Variants in MSRA observed in about 807,000 individuals in gnomAD.
MSRA encodes methionine sulfoxide reductase A, also known as mitochondrial peptide methionine sulfoxide reductase.
MSRA carries 54 observed loss-of-function variants against 31.3 expected under a neutral mutation model. The observed-to-expected ratio is 1.73, with a 90% CI of 1.39 to 2.17. MSRA has a LOEUF of 2.17. Ranked by LOEUF, MSRA falls within the 30% of genes most tolerant of loss-of-function variation. MSRA has a pLI of 0.00. For missense variants in MSRA, 507 were observed against 300.9 expected (o/e 1.69, Z -5.07); for synonymous variants, 169 against 116.5 (o/e 1.45, Z -2.90).
intron 1 of MSRA, among the ~76,000 whole-genome samples, chr8:10,164,667 A>G (rs1804961256): frequency 6.6e-6 from 1 of 152,220 alleles, no homozygotes. Context: ...TATAATGCCT[A>G]GGACGTAGAA....
chr8:10,161,857 G>A (rs1320640946), intron 1 of MSRA, among the ~76,000 whole-genome samples: 1 of 152,076 alleles, frequency 6.6e-6, no homozygotes, highest in African/African-American at 2.4e-5. Flanking sequence ...CCCTGGGCAA[G>A]TCACCCCATC....
intron 5 of MSRA, among the ~76,000 whole-genome samples, chr8:10,377,021 G>A (rs1805793808): frequency 6.6e-6 from 1 of 152,230 alleles, no homozygotes; most frequent in African/African-American, 2.4e-5. Context: ...AGCCACTGAA[G>A]CCTTCTAGAT....
In MSRA at chr8:10,108,779, G is replaced by A. The variant is rs923903908; in HGVS notation, c.142+54121G>A. 1.6e-4 allele frequency among the ~76,000 whole-genome samples: 24 copies of A among 151,684 alleles called. 1 individual carries two copies. The highest frequency in any genetic ancestry group is 4.4e-5 in the Non-Finnish European group (3 of 67,972). ...GTTTTAAACAAACTAATGACTGGTG[G>A]TTGGTTGTCAAATGAGTTGTTGGGA... On this transcript the variant is annotated intron_variant, in intron 1 of 5. Coordinates refer to ENST00000317173, the MANE Select transcript of MSRA (RefSeq NM_012331.5).
intron 5 of MSRA, among the ~76,000 whole-genome samples, chr8:10,379,528 T>C (rs1805940245): frequency 6.6e-6 from 1 of 152,076 alleles, no homozygotes; most frequent in South Asian, 2.1e-4. Flanking sequence ...AGCATCCTGG[T>C]CTCCCAGCAG....
chr8:10,183,969 G>C lies in MSRA; in HGVS notation c.143-23864G>C, dbSNP rs188387402. ...TGCTGGTGGTATTGGTAGTGATGGT[G>C]TTGACAGTAGTGTTGCTGGTTTTCT... On this transcript the variant is annotated intron_variant, in intron 1 of 5. Transcript: ENST00000317173. 6.8e-3 allele frequency among the ~76,000 whole-genome samples: 879 copies of C among 130,138 alleles called. 9 individuals carry two copies. The highest frequency in any genetic ancestry group is 0.018 in the Middle Eastern group (5 of 280). 85.4% of individuals were successfully genotyped at this position (130,138 alleles called of 152,430 possible).
At chr8:10,142,742 G>A (rs1224899289) in intron 1 of MSRA, among the ~76,000 whole-genome samples, 1 of 152,180 alleles carries the variant, frequency 6.6e-6, no homozygotes, top group African/African-American at 2.4e-5. Flanking sequence ...CGGACTATTT[G>A]ATAAGATCTA....
intron 1 of MSRA, among the ~76,000 whole-genome samples, chr8:10,079,835 CTTGCTATTAAT>C (rs1798193204): frequency 6.6e-6 from 1 of 152,138 alleles, no homozygotes; most frequent in Non-Finnish European, 1.5e-5. Flanking sequence ...TCGGTTTTGG[CTTGCTATTAAT>C]TTGCTGTGCA....
intron 1 of MSRA, among the ~76,000 whole-genome samples, chr8:10,071,458 C>CTTTTTTT (rs77512999): frequency 1.5e-5 from 2 of 129,270 alleles, no homozygotes; most frequent in Non-Finnish European, 3.3e-5. Flanking sequence ...TTTTAATTTT[C>CTTTTTTT]TTTTTTTTTT....
At chr8:10,383,353 C>T (rs1806192646) in intron 5 of MSRA, among the ~76,000 whole-genome samples, 1 of 152,136 alleles carries the variant, frequency 6.6e-6, no homozygotes, top group African/African-American at 2.4e-5. Flanking sequence ...CGGTTCACCT[C>T]GCACAGGGTC....
intron 5 of MSRA, among the ~76,000 whole-genome samples, chr8:10,368,866 G>A (rs1805316206): frequency 6.6e-6 from 1 of 152,054 alleles, no homozygotes; most frequent in South Asian, 2.1e-4. Context: ...ATTCCAAAGG[G>A]CCTTTTGCTA....
chr8:10,311,499 C>T (rs1035783896), intron 4 of MSRA, among the ~76,000 whole-genome samples: 1 of 152,118 alleles, frequency 6.6e-6, no homozygotes, highest in Non-Finnish European at 1.5e-5. Context: ...CTCAATCACA[C>T]AAGGAACATA....
Position 10,107,398 on chromosome 8 carries a change from G to A in MSRA, c.142+52740G>A, listed in dbSNP as rs546370908. Among the ~76,000 whole-genome samples the A allele has an allele frequency of 2.0e-5, 3 of 152,110 alleles. No individual in the cohort carries two copies. The South Asian group carries it at 6.2e-4, about 32-fold the overall frequency. On this transcript the variant is annotated intron_variant, in intron 1 of 5. Coordinates refer to ENST00000317173, the MANE Select transcript of MSRA (RefSeq NM_012331.5). ...TGAAAATCTCCTTTTCTGACCTCCT[G>A]AGAAATAGATGCTAGAATCTCTGGG... is the stretch of plus-strand genomic sequence containing the variant.
intron 5 of MSRA, among the ~76,000 whole-genome samples, chr8:10,383,351 C>T (rs1396175666): frequency 6.6e-6 from 1 of 152,162 alleles, no homozygotes; most frequent in Non-Finnish European, 1.5e-5. Flanking sequence ...TCCGGTTCAC[C>T]TCGCACAGGG....
chr8:10,094,769 A>C (rs566682638), intron 1 of MSRA, among the ~76,000 whole-genome samples: 1 of 152,374 alleles, frequency 6.6e-6, no homozygotes, highest in Non-Finnish European at 1.5e-5. Context: ...TAAAAATAAA[A>C]GCAAACAGTA....
At chr8:10,262,431 G>C (rs1373912962) in intron 3 of MSRA, among the ~76,000 whole-genome samples, 2 of 152,072 alleles carry the variant, frequency 1.3e-5, no homozygotes, top group African/African-American at 4.8e-5. Flanking sequence ...GGTGTATAGT[G>C]GTATCTCCTT....
At chr8:10,287,260 T>C (rs1004602651) in intron 3 of MSRA, among the ~76,000 whole-genome samples, 10 of 152,208 alleles carry the variant, frequency 6.6e-5, no homozygotes, top group Admixed American at 3.3e-4. Context: ...AATTATGGAA[T>C]CAAACCTACT....
intron 1 of MSRA, among the ~76,000 whole-genome samples, chr8:10,144,131 C>T (rs780148223): frequency 6.6e-6 from 1 of 152,154 alleles, no homozygotes; most frequent in Non-Finnish European, 1.5e-5. Flanking sequence ...TCGCCACCAT[C>T]TTTAGGAAAG....
At chr8:10,409,041 G>A (rs1807996365) in intron 5 of MSRA, among the ~76,000 whole-genome samples, 1 of 152,198 alleles carries the variant, frequency 6.6e-6, no homozygotes, top group African/African-American at 2.4e-5. Context: ...GAGTGCAGGT[G>A]TCTTTTTCAT....
intron 1 of MSRA, among the ~76,000 whole-genome samples, chr8:10,175,110 T>C (rs527545346): frequency 6.6e-5 from 10 of 152,264 alleles, no homozygotes; most frequent in Middle Eastern, 3.4e-3. Flanking sequence ...CCCACAACTT[T>C]TCTGCACTCA....
Sources: gnomAD v4.1 joint callset for allele counts (sites outside exome capture counted in the v4.1 genomes callset) on GRCh38, gnomAD v4.1.1 for gene constraint, MANE v1.5 for transcripts, NCBI Gene and HGNC (gene_info 2026-07-23, HGNC 2026-07-21) for gene names.